The following SULT2B1 variants were observed in gnomAD, a reference collection of about 807,000 sequenced individuals.
The protein encoded by SULT2B1 is sulfotransferase 2B1.
SULT2B1 carries 16 observed loss-of-function variants against 33.2 expected under a neutral mutation model. The observed-to-expected ratio is 0.48, with a 90% CI of 0.33 to 0.73. The LOEUF (loss-of-function observed/expected upper bound fraction) is 0.73, where lower values mean the gene tolerates loss of function less well. Among genes scored for constraint, SULT2B1 ranks in the 30% least tolerant of loss-of-function variants. SULT2B1 has a pLI of 0.02. For synonymous variants in SULT2B1, 186 were observed against 200.5 expected (o/e 0.93, Z 0.61); for missense variants, 500 against 506.0 (o/e 0.99, Z 0.11).
intron 1 of SULT2B1, among the ~76,000 whole-genome samples, chr19:48,574,669 G>T (rs1471007736): frequency 1.3e-5 from 2 of 152,310 alleles, no homozygotes; most frequent in East Asian, 3.9e-4. Flanking sequence ...TCAAAGCAGA[G>T]ATTGCTCTTA....
intron 2 of SULT2B1, among the ~76,000 whole-genome samples, chr19:48,579,609 T>C (rs7259862): frequency 9.5e-4 from 21 of 22,082 alleles, no homozygotes; most frequent in Non-Finnish European, 1.9e-3. Flanking sequence ...TTCTTTCTTT[T>C]TTTTTTTTTT....
intron 2 of SULT2B1, among the ~76,000 whole-genome samples, 169 bp from the exon 3 acceptor site, chr19:48,587,060 C>T (rs1054087057): frequency 1.3e-5 from 2 of 151,702 alleles, no homozygotes; most frequent in African/African-American, 2.4e-5. Flanking sequence ...TGCAGTGAGC[C>T]GAGATCGCGC....
At chr19:48,579,605 C>CTTTTTTT (rs149157128) in intron 2 of SULT2B1, among the ~76,000 whole-genome samples, 3 of 79,758 alleles carry the variant, frequency 3.8e-5, no homozygotes, top group African/African-American at 1.0e-4. Flanking sequence ...TTCTTTCTTT[C>CTTTTTTT]TTTTTTTTTT....
chr19:48,597,919 C>T lies in SULT2B1; in HGVS notation c.826+1000C>T, dbSNP rs77760187. On this transcript the variant is annotated intron_variant, in intron 6 of 6. Transcript: ENST00000201586. ...AAAGTGCTGGGATTATAGGTGTGAG[C>T]CACTGCGCCCGGCCAAGTGAAGCAT... is the stretch of plus-strand genomic sequence containing the variant. 5.1e-4 allele frequency among the ~76,000 whole-genome samples: 77 copies of T among 152,210 alleles called. No homozygotes were observed. The East Asian group carries it at 0.014, about 27-fold the overall frequency.
chr19:48,568,285 C>CAA (rs1325928170), intron 1 of SULT2B1, among the ~76,000 whole-genome samples: 2,203 of 82,504 alleles, frequency 0.027, 103 homozygotes, highest in African/African-American at 0.071. Context: ...GACTCCATCT[C>CAA]AAAAAAAAAA....
intron 1 of SULT2B1, among the ~76,000 whole-genome samples, chr19:48,567,697 C>T (rs548552621): frequency 2.6e-5 from 4 of 152,024 alleles, no homozygotes; most frequent in African/African-American, 4.8e-5. Context: ...AGACCAGGTG[C>T]GGTGGCTCAC....
chr19:48,565,258 T>G (rs1304894633), intron 1 of SULT2B1, among the ~76,000 whole-genome samples: 1 of 151,938 alleles, frequency 6.6e-6, no homozygotes, highest in Non-Finnish European at 1.5e-5. Context: ...TCAAAGTAAG[T>G]TACAGACATC....
rs748462990 is a variant in SULT2B1, at chr19:48,592,798, C to T, written c.627C>T (p.Thr209=). 3 of 1,575,714 alleles carry T rather than the reference C, an allele frequency of 1.9e-6. No homozygotes were observed. Among genetic ancestry groups the T allele is most frequent in the Non-Finnish European group, 2.6e-6 (3 of 1,159,694 alleles). ...GCAAAGACAACTTCCTATTTATCACCTACGAGGAGCTGCAGCAGGTGAGTC... is the reference window on the plus strand; with the variant it reads ...GCAAAGACAACTTCCTATTTATCACTTACGAGGAGCTGCAGCAGGTGAGTC... ...MKGKDNFLFI[T]YEELQQDLQG... The change falls in exon 5 of 7, where the codon ACC becomes ACT. Residue 209 remains threonine (T), a synonymous_variant. Transcript: ENST00000201586.
chr19:48,559,239 G>A (rs1568402578), intron 1 of SULT2B1, among the ~76,000 whole-genome samples: 1 of 152,112 alleles, frequency 6.6e-6, no homozygotes, highest in Non-Finnish European at 1.5e-5. Context: ...CTTTCCACTC[G>A]CTCTTTGGGG....
chr19:48,571,445 C>T (rs1374813353), intron 1 of SULT2B1, among the ~76,000 whole-genome samples: 3 of 151,880 alleles, frequency 2.0e-5, no homozygotes, highest in Non-Finnish European at 4.4e-5. Context: ...GATCCGCCCA[C>T]CTCAGCCTCC....
In SULT2B1 at chr19:48,587,237, T is replaced by G; in HGVS notation, c.223T>G (p.Trp75Gly). 1 of 1,610,854 alleles carries G rather than the reference T, an allele frequency of 6.2e-7. No homozygotes were observed. The change falls in exon 3 of 7, where the codon TGG becomes GGG. Residue 75 changes from tryptophan to glycine, a missense_variant. Trp to Gly is a radical substitution (Grantham distance 184). Transcript: ENST00000201586. ...TCGATTTCTCCCAACAGGCACGACC[T>G]GGATGATCGAGATCATCTGCTTAAT... ...IITYPKSGTT[W>G]MIEIICLILK...
Position 48,591,609 on chromosome 19 carries a change from G to T in SULT2B1, c.424G>T (p.Val142Leu), listed in dbSNP as rs768145409. ...CCCTCTCCTCACCATCCGCACACAG[G>T]TGATCTACATGGGCCGCAACCCCCG... Reference protein sequence around the residue: ...TKAFFSSKAKVIYMGRNPRDV... With the variant: ...TKAFFSSKAKLIYMGRNPRDV... Residue 142 changes from valine to leucine, a missense_variant and splice_region_variant, in exon 4 of 7, where the codon GTG (valine) becomes TTG (leucine). Transcript: ENST00000201586. The T allele has an allele frequency of 1.9e-5, 31 of 1,611,572 alleles. No individual in the cohort carries two copies. Among genetic ancestry groups the T allele is most frequent in the African/African-American group, 2.7e-5 (2 of 74,864 alleles).
chr19:48,570,542 A>G (rs2665575), intron 1 of SULT2B1, among the ~76,000 whole-genome samples: 98,257 of 151,666 alleles, frequency 0.65, 32,605 homozygotes, highest in African/African-American at 0.75. Flanking sequence ...CCACTTACCC[A>G]TGCAAGGACG....
chr19:48,555,311 C>T (rs887103941), intron 1 of SULT2B1, among the ~76,000 whole-genome samples: 1 of 152,122 alleles, frequency 6.6e-6, no homozygotes, highest in East Asian at 1.9e-4. Context: ...AGGCTGTTCT[C>T]GAACTCCTGA....
intron 2 of SULT2B1, 44 bp downstream of exon 2, chr19:48,576,127 A>C: frequency 9.1e-6 from 9 of 994,044 alleles, no homozygotes; most frequent in Non-Finnish European, 1.2e-5. Flanking sequence ...GAGAGTGGGG[A>C]GGGGGTGCGG....
chr19:48,573,348 C>G (rs3760801), intron 1 of SULT2B1, among the ~76,000 whole-genome samples: 1 of 151,884 alleles, frequency 6.6e-6, no homozygotes, highest in Non-Finnish European at 1.5e-5. Context: ...TCAAATCGAG[C>G]GATATCAGCA....
chr19:48,568,896 C>T (rs1038147757), intron 1 of SULT2B1, among the ~76,000 whole-genome samples: 19 of 151,854 alleles, frequency 1.3e-4, no homozygotes. Flanking sequence ...CACTTCTTTG[C>T]GCTCACTCTT....
intron 2 of SULT2B1, among the ~76,000 whole-genome samples, chr19:48,577,352 C>CTTTT (rs1209521675): frequency 0.016 from 503 of 30,648 alleles, 193 homozygotes; most frequent in African/African-American, 0.021. Context: ...ACTGAGCCGT[C>CTTTT]TTTTTTTTTT....
At chr19:48,588,193 G>A in intron 3 of SULT2B1, among the ~76,000 whole-genome samples, 1 of 128,580 alleles carries the variant, frequency 7.8e-6, no homozygotes. Flanking sequence ...CTGGGAGACA[G>A]ACCAAGATTT....
Sources: allele counts gnomAD v4.1 joint callset (sites outside exome capture counted in the v4.1 genomes callset), GRCh38; gene constraint gnomAD v4.1.1; transcripts MANE v1.5; gene names NCBI Gene and HGNC (gene_info 2026-07-23, HGNC 2026-07-21).